KCND2: variants seen among roughly 807,000 people sequenced by gnomAD.
KCND2 encodes the protein potassium voltage-gated channel subfamily D member 2, also known as A-type voltage-gated potassium channel KCND2.
Under a neutral mutation model 54.4 loss-of-function variants are expected in KCND2, and 16 were observed. That is an observed-to-expected ratio of 0.29 (90% CI 0.20 to 0.45). The LOEUF is 0.45. KCND2 is among the 20% of genes least tolerant of loss of function. The probability of loss-of-function intolerance (pLI) is 1.00; values close to 1 mark genes in which losing one functional copy is unlikely to be tolerated. For synonymous variants in KCND2, 317 were observed against 310.7 expected (o/e 1.02, Z -0.21); for missense variants, 486 against 824.2 (o/e 0.59, Z 5.02).
intron 5 of KCND2, chr7:120,746,682 T>C (rs1562926696): frequency 6.5e-6 from 1 of 152,750 alleles, no homozygotes; most frequent in Non-Finnish European, 1.5e-5. Flanking sequence ...TTACCACAAA[T>C]GTGTAAAAAT....
intron 1 of KCND2, among the ~76,000 whole-genome samples, chr7:120,691,377 G>A (rs761907105): frequency 7.9e-5 from 12 of 152,166 alleles, no homozygotes; most frequent in Middle Eastern, 3.2e-3. Flanking sequence ...TTGAACCAGG[G>A]TGTTGCCAAA....
At chr7:120,548,325 T>G (rs1438529406) in intron 1 of KCND2, among the ~76,000 whole-genome samples, 1 of 152,098 alleles carries the variant, frequency 6.6e-6, no homozygotes, top group Non-Finnish European at 1.5e-5. Context: ...TTCTGACTGG[T>G]GAACCAATCA....
intron 1 of KCND2, among the ~76,000 whole-genome samples, chr7:120,718,172 G>A (rs969776870): frequency 3.3e-5 from 5 of 152,142 alleles, no homozygotes; most frequent in African/African-American, 1.2e-4. Flanking sequence ...TACTAAAATC[G>A]AGAAGCATGA....
chr7:120,476,254 T>G (rs1286910580), intron 1 of KCND2, among the ~76,000 whole-genome samples: 1 of 152,220 alleles, frequency 6.6e-6, no homozygotes, highest in Non-Finnish European at 1.5e-5. Context: ...TCTGTGTTAT[T>G]AGTCTCTATT....
intron 1 of KCND2, among the ~76,000 whole-genome samples, chr7:120,699,736 G>T (rs1437697114): frequency 6.6e-6 from 1 of 152,184 alleles, no homozygotes; most frequent in Non-Finnish European, 1.5e-5. Context: ...GAATACTCTT[G>T]AAGGAAGAGA....
rs375202202 is a variant in KCND2 at position 120,274,599 on chromosome 7, C to T, written c.-34C>T. The stretch of plus-strand genomic sequence containing the variant: ...TGCTTCGGTGACCCATTGTAGACGC[C>T]TCGTTACCCTTCTTCCTTCCGCTTC... On this transcript the variant is annotated 5_prime_UTR_variant, in exon 1 of 6. Coordinates refer to ENST00000331113, the MANE Select transcript of KCND2 (RefSeq NM_012281.3). 98 of 1,613,948 alleles carry T rather than the reference C, an allele frequency of 6.1e-5. No individual in the cohort carries two copies. The highest frequency in any genetic ancestry group is 7.6e-5 in the Non-Finnish European group (90 of 1,180,018).
At chr7:120,442,153 A>T (rs1226282103) in intron 1 of KCND2, among the ~76,000 whole-genome samples, 3 of 152,104 alleles carry the variant, frequency 2.0e-5, no homozygotes, top group African/African-American at 7.2e-5. Context: ...TCACAAATAG[A>T]ATCCCCCACG....
intron 1 of KCND2, among the ~76,000 whole-genome samples, chr7:120,398,595 G>A (rs1015120331): frequency 3.9e-5 from 6 of 152,066 alleles, no homozygotes; most frequent in Admixed American, 6.6e-5. Context: ...GTGTAAGTAG[G>A]AATTTGTCAA....
chr7:120,500,295 C>T (rs979990782), intron 1 of KCND2, among the ~76,000 whole-genome samples: 1 of 152,156 alleles, frequency 6.6e-6, no homozygotes, highest in African/African-American at 2.4e-5. Flanking sequence ...ACACACTGTG[C>T]TTAGCATATA....
At chr7:120,657,365 A>G (rs1427347411) in intron 1 of KCND2, among the ~76,000 whole-genome samples, 2 of 152,282 alleles carry the variant, frequency 1.3e-5, no homozygotes, top group East Asian at 1.9e-4. Context: ...ATCTATATCT[A>G]TATAGATATA....
At chr7:120,596,248 G>A (rs1014136162) in intron 1 of KCND2, among the ~76,000 whole-genome samples, 5 of 151,968 alleles carry the variant, frequency 3.3e-5, no homozygotes, top group Admixed American at 6.6e-5. Context: ...TTAAATATTG[G>A]CCCATCACTG....
chr7:120,563,251 G>T (rs1792257251), intron 1 of KCND2, among the ~76,000 whole-genome samples: 1 of 151,938 alleles, frequency 6.6e-6, no homozygotes. Context: ...TTCAAGAATA[G>T]TTTAGAAAAA....
chr7:120,340,729 G>A (rs1361314856), intron 1 of KCND2, among the ~76,000 whole-genome samples: 1 of 152,154 alleles, frequency 6.6e-6, no homozygotes, highest in African/African-American at 2.4e-5. Flanking sequence ...GTAATTATCA[G>A]AGGAAACACC....
At chr7:120,558,444 C>T (rs575018098) in intron 1 of KCND2, among the ~76,000 whole-genome samples, 2 of 152,278 alleles carry the variant, frequency 1.3e-5, no homozygotes, top group East Asian at 1.9e-4. Flanking sequence ...CATCCTCACC[C>T]TAACTGTTCA....
intron 1 of KCND2, among the ~76,000 whole-genome samples, chr7:120,551,545 A>G (rs1310247652): frequency 6.6e-6 from 1 of 152,130 alleles, no homozygotes; most frequent in African/African-American, 2.4e-5. Flanking sequence ...AAATCATCAC[A>G]TTTTCTCAGT....
chr7:120,343,646 T>G (rs1171203699), intron 1 of KCND2, among the ~76,000 whole-genome samples: 2 of 152,200 alleles, frequency 1.3e-5, no homozygotes, highest in Non-Finnish European at 2.9e-5. Flanking sequence ...GTTGTGTTAT[T>G]ATTTGGAAAC....
chr7:120,527,025 G>C (rs1584813918), intron 1 of KCND2, among the ~76,000 whole-genome samples: 1 of 151,988 alleles, frequency 6.6e-6, no homozygotes, highest in Admixed American at 6.6e-5. Flanking sequence ...ATAATATATT[G>C]AAGTACATCA....
chr7:120,346,622 T>C (rs1385488543), intron 1 of KCND2, among the ~76,000 whole-genome samples: 2 of 152,104 alleles, frequency 1.3e-5, no homozygotes, highest in Non-Finnish European at 2.9e-5. Flanking sequence ...TTTAGTAGTC[T>C]CTTTAATTTG....
intron 1 of KCND2, among the ~76,000 whole-genome samples, chr7:120,289,150 AT>A (rs1799397191): frequency 6.6e-6 from 1 of 151,912 alleles, no homozygotes; most frequent in African/African-American, 2.4e-5. Flanking sequence ...AGATGATTTG[AT>A]TCTTACAATG....
Sources: allele counts gnomAD v4.1 joint callset (sites outside exome capture counted in the v4.1 genomes callset), GRCh38; gene constraint gnomAD v4.1.1; transcripts MANE v1.5; gene names NCBI Gene and HGNC (gene_info 2026-07-23, HGNC 2026-07-21).